Variants in NPHP1 observed in about 807,000 individuals in gnomAD.
NPHP1 encodes the protein nephrocystin 1.
A neutral mutation model predicts 90.4 loss-of-function variants in NPHP1; 70 were observed. The observed-to-expected ratio is 0.77, with a 90% CI of 0.64 to 0.95. The LOEUF is 0.95. Ranked by LOEUF, NPHP1 falls within the 40% of genes least tolerant of loss-of-function variation. The pLI is 0.00. For missense variants in NPHP1, 764 were observed against 795.9 expected (o/e 0.96, Z 0.48); for synonymous variants, 256 against 271.7 (o/e 0.94, Z 0.57).
At chr2:110,179,172 G>A (rs1000041421) in intron 3 of NPHP1, among the ~76,000 whole-genome samples, 1 of 150,772 alleles carries the variant, frequency 6.6e-6, no homozygotes, top group Non-Finnish European at 1.5e-5. Context: ...AAATCCTGAA[G>A]GGATTGTCAA....
At chr2:110,129,988 G>A (rs939441460) in intron 17 of NPHP1, among the ~76,000 whole-genome samples, 1 of 152,112 alleles carries the variant, frequency 6.6e-6, no homozygotes, top group African/African-American at 2.4e-5. Context: ...CAAGATCAAG[G>A]TAATGGCATT....
chr2:110,143,106 T>A (rs1384507554), intron 16 of NPHP1, among the ~76,000 whole-genome samples: 2 of 152,160 alleles, frequency 1.3e-5, no homozygotes, highest in African/African-American at 4.8e-5. Flanking sequence ...ATGAGATAAC[T>A]TTTTAGAGTG....
chr2:110,204,009 A>C (rs567925434), intron 1 of NPHP1, among the ~76,000 whole-genome samples: 1 of 152,228 alleles, frequency 6.6e-6, no homozygotes, highest in African/African-American at 2.4e-5. Flanking sequence ...CAGAAATACC[A>C]TATTAGCCTG....
At chr2:110,163,505 A>G (rs915301349) in intron 8 of NPHP1, 2 of 285,152 alleles carry the variant, frequency 7.0e-6, no homozygotes, top group Non-Finnish European at 6.9e-6. Context: ...TTTTTTTTGT[A>G]TACACATACA....
chr2:110,201,553 ACTT>A (rs1418873957), intron 1 of NPHP1, 59 bp from the exon 2 acceptor site: 15 of 1,222,018 alleles, frequency 1.2e-5, no homozygotes, highest in East Asian at 7.0e-5. Context: ...AGGAAAGAAA[ACTT>A]CTTTTTTTAT....
At chr2:110,132,180 G>A (rs1679835114) in intron 16 of NPHP1, among the ~76,000 whole-genome samples, 10 of 152,178 alleles carry the variant, frequency 6.6e-5, no homozygotes. Flanking sequence ...AATTCAGGCT[G>A]TTCACAGTAC....
At chr2:110,150,656 T>A (rs1681397179) in intron 11 of NPHP1, among the ~76,000 whole-genome samples, 2 of 151,806 alleles carry the variant, frequency 1.3e-5, no homozygotes, top group African/African-American at 2.4e-5. Context: ...TACAAGTGAT[T>A]CTCCTGCCTC....
intron 12 of NPHP1, 71 bp downstream of exon 12, chr2:110,150,111 G>T: frequency 9.0e-7 from 1 of 1,114,944 alleles, no homozygotes; most frequent in Non-Finnish European, 1.4e-6. Context: ...CATACTCTGT[G>T]CTATTTATAG....
chr2:110,141,706 C>T (rs935005696), intron 16 of NPHP1, among the ~76,000 whole-genome samples: 4 of 151,988 alleles, frequency 2.6e-5, no homozygotes, highest in African/African-American at 9.7e-5. Context: ...GATGCGGTGG[C>T]TCAAGCCTGT....
At chr2:110,147,347 T>G (rs1397774206) in intron 13 of NPHP1, among the ~76,000 whole-genome samples, 1 of 152,134 alleles carries the variant, frequency 6.6e-6, no homozygotes, top group Non-Finnish European at 1.5e-5. Context: ...AACAAATGAA[T>G]GGACAGTGTA....
intron 11 of NPHP1, among the ~76,000 whole-genome samples, chr2:110,158,162 C>T (rs1682045161): frequency 6.6e-6 from 1 of 152,092 alleles, no homozygotes; most frequent in East Asian, 1.9e-4. Flanking sequence ...AATCAAGGAC[C>T]ATATATTATA....
intron 2 of NPHP1, among the ~76,000 whole-genome samples, chr2:110,179,906 C>T (rs1212562988): frequency 6.6e-6 from 1 of 152,112 alleles, no homozygotes; most frequent in Admixed American, 6.5e-5. Flanking sequence ...CAGAAACCTT[C>T]AGTGTCTCTG....
At chr2:110,201,352 G>A in intron 2 of NPHP1, 69 bp downstream of exon 2, 2 of 989,094 alleles carry the variant, frequency 2.0e-6, no homozygotes, top group South Asian at 1.3e-5. Context: ...CAATCTCTAT[G>A]CCTTAAATAC....
chr2:110,175,594 C>T (rs1683450411), intron 4 of NPHP1, among the ~76,000 whole-genome samples: 1 of 152,076 alleles, frequency 6.6e-6, no homozygotes, highest in Admixed American at 6.5e-5. Context: ...TCATTTGTCT[C>T]TACATGTTTC....
At position 110,123,744 on chromosome 2, in the gene NPHP1, G is replaced by A. The variant is rs1679139977; in HGVS notation, c.*47C>T. 6.3e-7 allele frequency: 1 copy of A among 1,593,526 alleles called. No individual in the cohort carries two copies. Among genetic ancestry groups the A allele is most frequent in the Non-Finnish European group, 8.6e-7 (1 of 1,162,264 alleles). Reference sequence around the variant, plus strand: ...ATCATTTTATTCACGTAATCGTGGAGGATCCATCTGATTCCGTGGGAAGCT... The same window carrying A: ...ATCATTTTATTCACGTAATCGTGGAAGATCCATCTGATTCCGTGGGAAGCT... On this transcript the variant is annotated 3_prime_UTR_variant, in exon 20 of 20. Transcript: ENST00000445609.
chr2:110,176,224 G>A (rs898301980), intron 4 of NPHP1, among the ~76,000 whole-genome samples: 9 of 151,880 alleles, frequency 5.9e-5, no homozygotes, highest in Non-Finnish European at 1.0e-4. Context: ...AGATTTTTGA[G>A]TCTATATGTT....
At chr2:110,201,255 G>GC (rs1478190789) in intron 2 of NPHP1, among the ~76,000 whole-genome samples, 166 bp downstream of exon 2, 1 of 152,148 alleles carries the variant, frequency 6.6e-6, no homozygotes, top group Non-Finnish European at 1.5e-5. Context: ...TGTCACAACA[G>GC]CAAGTCCGCA....
At chr2:110,164,198 G>C in intron 8 of NPHP1, 2 of 346,002 alleles carry the variant, frequency 5.8e-6, no homozygotes, top group South Asian at 5.2e-5. Flanking sequence ...CACCACACCT[G>C]GCTAATTTTT....
chr2:110,184,279 C>T (rs146758168), intron 2 of NPHP1: 80 of 590,516 alleles, frequency 1.4e-4, no homozygotes, highest in Middle Eastern at 5.7e-4. Flanking sequence ...TGCTATCTCA[C>T]GGAGCATGGC....
Sources: gnomAD v4.1 joint callset for allele counts (sites outside exome capture counted in the v4.1 genomes callset) on GRCh38, gnomAD v4.1.1 for gene constraint, MANE v1.5 for transcripts, NCBI Gene and HGNC (gene_info 2026-07-23, HGNC 2026-07-21) for gene names.